Variants in CEP70 observed in about 807,000 individuals in gnomAD.
CEP70 encodes the protein centrosomal protein 70.
A neutral mutation model predicts 90.9 loss-of-function variants in CEP70; 70 were observed. That is an observed-to-expected ratio of 0.77 (90% CI 0.64 to 0.94). The LOEUF (loss-of-function observed/expected upper bound fraction) is 0.94. CEP70 is among the 40% of genes least tolerant of loss of function. The probability of loss-of-function intolerance (pLI) is 0.00; values close to 1 mark genes in which losing one functional copy is unlikely to be tolerated. For missense variants in CEP70, 648 were observed against 669.0 expected, an observed-to-expected ratio of 0.97 and a Z score of 0.35; for synonymous variants, 220 against 228.3, an observed-to-expected ratio of 0.96 and a Z score of 0.33.
At chr3:138,545,838 G>A (rs1190717940) in intron 6 of CEP70, among the ~76,000 whole-genome samples, 1 of 152,098 alleles carries the variant, frequency 6.6e-6, no homozygotes, top group Non-Finnish European at 1.5e-5. Flanking sequence ...ACTAGGATTG[G>A]GAAATTCCAG....
At chr3:138,534,295 T>A (rs776814522) in intron 7 of CEP70, among the ~76,000 whole-genome samples, 2 of 152,168 alleles carry the variant, frequency 1.3e-5, no homozygotes, top group Non-Finnish European at 2.9e-5. Context: ...TCTTTTTCTC[T>A]TCAACCCTTC....
In CEP70 at chr3:138,500,759, C is replaced by T. The variant is rs1282924914; in HGVS notation, c.1344G>A (p.Leu448=). ...CCTTTTCCTTATTTTCAACTTCTTCCAGCATAGTATCTACTATAAACAACA... is the reference window on the plus strand; with the variant it reads ...CCTTTTCCTTATTTTCAACTTCTTCTAGCATAGTATCTACTATAAACAACA... ...EDLLFIVDTM[L]EEVENKEKDS... is the part of the protein sequence containing the mutation. Residue 448 remains leucine, a synonymous_variant, in exon 14 of 18, where the codon CTG becomes CTA. Coordinates refer to ENST00000264982, the MANE Select transcript of CEP70 (RefSeq NM_024491.4). The T allele has an allele frequency of 6.3e-7, 1 of 1,597,408 alleles. No individual in the cohort carries two copies. The highest frequency in any genetic ancestry group is 8.5e-7 in the Non-Finnish European group (1 of 1,173,754).
At chr3:138,558,430 G>A (rs1241614414) in intron 6 of CEP70, among the ~76,000 whole-genome samples, 2 of 152,152 alleles carry the variant, frequency 1.3e-5, no homozygotes, top group African/African-American at 4.8e-5. Flanking sequence ...TTTCCCACAA[G>A]TGTGTTTTCA....
intron 2 of CEP70, among the ~76,000 whole-genome samples, chr3:138,573,981 T>C (rs1421616950): frequency 6.6e-6 from 1 of 151,854 alleles, no homozygotes; most frequent in Non-Finnish European, 1.5e-5. Context: ...GCATCCAAGA[T>C]GGCCAAATAT....
chr3:138,541,074 G>C (rs1247372825), intron 6 of CEP70, among the ~76,000 whole-genome samples: 1 of 152,142 alleles, frequency 6.6e-6, no homozygotes, highest in Non-Finnish European at 1.5e-5. Context: ...GGTAACAACA[G>C]ACACTGGGGT....
chr3:138,512,394 A>C (rs1488965200), intron 11 of CEP70, among the ~76,000 whole-genome samples: 1 of 152,212 alleles, frequency 6.6e-6, no homozygotes, highest in Non-Finnish European at 1.5e-5. Flanking sequence ...ACACATGAAC[A>C]ATATAACTTC....
chr3:138,591,353 A>G (rs1328700598), intron 2 of CEP70, among the ~76,000 whole-genome samples: 1 of 151,424 alleles, frequency 6.6e-6, no homozygotes. Context: ...TCATGTATAT[A>G]CAAATATTCC....
chr3:138,575,542 G>T (rs1031256436), intron 2 of CEP70, among the ~76,000 whole-genome samples: 4 of 152,216 alleles, frequency 2.6e-5, no homozygotes, highest in African/African-American at 4.8e-5. Flanking sequence ...ATATTATCCA[G>T]GAGAACTTCC....
intron 13 of CEP70, among the ~76,000 whole-genome samples, chr3:138,502,134 C>T (rs1313298077): frequency 6.6e-6 from 1 of 152,110 alleles, no homozygotes; most frequent in Non-Finnish European, 1.5e-5. Flanking sequence ...ATTAACTGTA[C>T]TAGTATATTT....
Position 138,495,011 on chromosome 3 carries a change from G to T in CEP70, c.*4C>A. 1 of 841,200 alleles carries T rather than the reference G, an allele frequency of 1.2e-6. No individual in the cohort carries two copies. 52.1% of individuals were successfully genotyped at this position (841,200 alleles called of 1,614,324 possible). On this transcript the variant is annotated 3_prime_UTR_variant, in exon 18 of 18. Transcript: ENST00000264982. ...TTACACAGTAAAAATGATTTGATTTGTTTTCAGTATGAAAGTACTTTTAAT... is the reference window on the plus strand; with the variant it reads ...TTACACAGTAAAAATGATTTGATTTTTTTTCAGTATGAAAGTACTTTTAAT...
At chr3:138,557,211 C>T (rs974859230) in intron 6 of CEP70, among the ~76,000 whole-genome samples, 2 of 152,170 alleles carry the variant, frequency 1.3e-5, no homozygotes, top group African/African-American at 2.4e-5. Context: ...AGCTCACCGG[C>T]GGTCAGAGTT....
chr3:138,533,245 C>A (rs1016830519), intron 7 of CEP70, among the ~76,000 whole-genome samples: 1 of 148,426 alleles, frequency 6.7e-6, no homozygotes, highest in African/African-American at 2.5e-5. Context: ...CGCACCACTG[C>A]ACTACAGCCT....
intron 2 of CEP70, among the ~76,000 whole-genome samples, chr3:138,581,985 CA>C: frequency 6.6e-6 from 1 of 151,664 alleles, no homozygotes; most frequent in African/African-American, 2.4e-5. Flanking sequence ...AATGCTGAAG[CA>C]AAAAAAACTT....
chr3:138,554,551 CTG>C, intron 6 of CEP70, among the ~76,000 whole-genome samples: 1 of 152,162 alleles, frequency 6.6e-6, no homozygotes, highest in Non-Finnish European at 1.5e-5. Flanking sequence ...GGCAATATGA[CTG>C]TATACCTAGA....
At chr3:138,509,518 A>G (rs114869345) in intron 11 of CEP70, among the ~76,000 whole-genome samples, 1,789 of 152,234 alleles carry the variant, frequency 0.012, 41 homozygotes, top group African/African-American at 0.041. Flanking sequence ...CCTTCTCCAA[A>G]TATCTAGAAG....
chr3:138,558,062 T>C (rs995546154), intron 6 of CEP70, among the ~76,000 whole-genome samples: 3 of 152,118 alleles, frequency 2.0e-5, no homozygotes, highest in African/African-American at 7.2e-5. Flanking sequence ...AGGACCATGA[T>C]TCTGGAGAAA....
intron 8 of CEP70, among the ~76,000 whole-genome samples, chr3:138,531,343 T>C (rs1238460661): frequency 6.6e-6 from 1 of 152,108 alleles, no homozygotes; most frequent in Non-Finnish European, 1.5e-5. Context: ...ATGTTAAATC[T>C]TTTCTACTCT....
intron 6 of CEP70, among the ~76,000 whole-genome samples, chr3:138,568,045 A>C (rs1445334882): frequency 6.6e-6 from 1 of 152,160 alleles, no homozygotes; most frequent in Non-Finnish European, 1.5e-5. Context: ...AGAGACTTAA[A>C]AAAACAAACA....
chr3:138,539,573 A>G (rs2038578792), intron 6 of CEP70, among the ~76,000 whole-genome samples: 1 of 152,198 alleles, frequency 6.6e-6, no homozygotes, highest in Admixed American at 6.5e-5. Flanking sequence ...AGCAGACTGG[A>G]TCAAGCAGAG....
Sources: gnomAD v4.1 joint callset for allele counts (sites outside exome capture counted in the v4.1 genomes callset) on GRCh38, gnomAD v4.1.1 for gene constraint, MANE v1.5 for transcripts, NCBI Gene and HGNC (gene_info 2026-07-23, HGNC 2026-07-21) for gene names.